EPS15: variants seen among roughly 807,000 people sequenced by gnomAD.
EPS15 encodes the protein epidermal growth factor receptor pathway substrate 15.
Under a neutral mutation model 113.8 loss-of-function variants are expected in EPS15, and 72 were observed. The ratio of observed to expected loss-of-function variants is 0.63; its 90% CI spans 0.52 to 0.77. The LOEUF (loss-of-function observed/expected upper bound fraction) is 0.77. EPS15 is among the 30% of genes least tolerant of loss of function. The pLI is 0.00. For missense variants in EPS15, 1,048 were observed against 1,045.8 expected (o/e 1.00, Z -0.03); for synonymous variants, 344 against 363.4 (o/e 0.95, Z 0.61).
intron 2 of EPS15, among the ~76,000 whole-genome samples, chr1:51,479,446 C>T (rs1303713715): frequency 6.6e-6 from 1 of 152,164 alleles, no homozygotes; most frequent in Admixed American, 6.5e-5. Flanking sequence ...TCGTCTGAAG[C>T]CTAGTTCTGT....
intron 21 of EPS15, among the ~76,000 whole-genome samples, chr1:51,371,538 A>G (rs564726745): frequency 7.9e-5 from 12 of 152,254 alleles, no homozygotes; most frequent in African/African-American, 2.9e-4. Flanking sequence ...AAAAAATTTA[A>G]AAGTAGGCAA....
intron 21 of EPS15, among the ~76,000 whole-genome samples, chr1:51,367,919 G>T (rs1274725665): frequency 6.6e-6 from 1 of 152,194 alleles, no homozygotes; most frequent in East Asian, 1.9e-4. Flanking sequence ...ATCACCTGAG[G>T]TCAGGAGTTT....
At position 51,364,147 on chromosome 1, in the gene EPS15, C is replaced by A. The variant is rs377444111; in HGVS notation, c.2197-119G>T. ...TTTATTTATTTTAATTCTGAGAACA[C>A]TGAAATTTTAACCTTTGCATTCAGG... On this transcript the variant is annotated intron_variant, in intron 22 of 24. Transcript: ENST00000371733. The A allele has an allele frequency of 1.6e-4, 130 of 807,504 alleles. 1 individual carries two copies. The African/African-American group carries it at 2.1e-3, about 13-fold the overall frequency. 50.0% of individuals were successfully genotyped at this position (807,504 alleles called of 1,614,324 possible).
chr1:51,486,802 C>T (rs1644131853), intron 1 of EPS15, among the ~76,000 whole-genome samples: 1 of 151,902 alleles, frequency 6.6e-6, no homozygotes, highest in Admixed American at 6.6e-5. Flanking sequence ...CCTCAGCCTC[C>T]CGCCACCACA....
At chr1:51,500,121 A>T (rs1283582647) in intron 1 of EPS15, among the ~76,000 whole-genome samples, 1 of 152,202 alleles carries the variant, frequency 6.6e-6, no homozygotes. Flanking sequence ...ATATATCAGA[A>T]TTTCATCCCT....
intron 1 of EPS15, among the ~76,000 whole-genome samples, chr1:51,487,448 C>A (rs1252330915): frequency 6.6e-6 from 1 of 151,864 alleles, no homozygotes; most frequent in Non-Finnish European, 1.5e-5. Context: ...GTAAATATTC[C>A]AAAAATATAT....
chr1:51,421,801 C>A lies in EPS15; in HGVS notation c.1098G>T (p.Arg366Ser). 1 of 1,593,246 alleles carries A rather than the reference C, an allele frequency of 6.3e-7. No individual in the cohort carries two copies. The highest frequency in any genetic ancestry group is 8.6e-7 in the Non-Finnish European group (1 of 1,168,004). ...LKEKEDTIKQ[R>S]TSEVQDLQDE... is the part of the protein sequence containing the mutation. ...GGTCACTTACCTGAACCTCACTTGT[C>A]CTCTGTTTAATAGTATCTTCCTTCT... Residue 366 changes from arginine to serine, a missense_variant, in exon 13 of 25, where the codon AGG becomes AGT. Arg to Ser is a moderately radical substitution (Grantham distance 110). Coordinates refer to ENST00000371733, the MANE Select transcript of EPS15 (RefSeq NM_001981.3).
chr1:51,380,987 G>A (rs1646927502), intron 21 of EPS15, among the ~76,000 whole-genome samples: 1 of 152,178 alleles, frequency 6.6e-6, no homozygotes, highest in Non-Finnish European at 1.5e-5. Context: ...CCAATATGAT[G>A]TAACATTTAT....
intron 12 of EPS15, among the ~76,000 whole-genome samples, chr1:51,436,954 T>C (rs779967236): frequency 2.0e-5 from 3 of 152,132 alleles, no homozygotes; most frequent in Non-Finnish European, 4.4e-5. Context: ...AAGTAAGAGA[T>C]TCAGATATTC....
At chr1:51,489,284 A>T (rs975529968) in intron 1 of EPS15, among the ~76,000 whole-genome samples, 1 of 140,544 alleles carries the variant, frequency 7.1e-6, no homozygotes, top group Admixed American at 7.4e-5. Flanking sequence ...AGCCTAGTAT[A>T]CCATATATAT....
intron 12 of EPS15, among the ~76,000 whole-genome samples, chr1:51,435,236 GGAGTGATCTCGGCTGT>G (rs928615015): frequency 1.3e-5 from 2 of 151,676 alleles, no homozygotes; most frequent in South Asian, 2.1e-4. Flanking sequence ...TGCCTAAGCT[GGAGTGATCTCGGCTGT>G]GAGTGATCTC....
intron 1 of EPS15, among the ~76,000 whole-genome samples, chr1:51,489,855 C>A (rs1397465230): frequency 6.6e-6 from 1 of 152,114 alleles, no homozygotes; most frequent in Non-Finnish European, 1.5e-5. Context: ...CAATATGTCA[C>A]AAATAGGGAC....
intron 21 of EPS15, chr1:51,372,236 C>T: frequency 2.1e-6 from 1 of 474,126 alleles, no homozygotes. Context: ...TTGCAGGGAG[C>T]TAGGCCTAGT....
At chr1:51,396,327 G>A (rs1476630689) in intron 20 of EPS15, among the ~76,000 whole-genome samples, 1 of 152,060 alleles carries the variant, frequency 6.6e-6, no homozygotes, top group African/African-American at 2.4e-5. Flanking sequence ...GAAATGCTTG[G>A]GACAAAAAGT....
intron 21 of EPS15, among the ~76,000 whole-genome samples, chr1:51,370,818 G>A (rs142039594): frequency 7.9e-5 from 12 of 151,948 alleles, no homozygotes; most frequent in African/African-American, 2.2e-4. Context: ...ATAGGGTTTC[G>A]CTGTTGGCCA....
rs761317120 is a variant in EPS15, at chr1:51,402,482, A to G, written c.1835T>C (p.Val612Ala). Residue 612 changes from valine to alanine, a missense_variant, in exon 18 of 25, where the codon GTT (valine) becomes GCT (alanine). Val to Ala is a moderately conservative substitution (Grantham distance 64). Coordinates refer to ENST00000371733, the MANE Select transcript of EPS15 (RefSeq NM_001981.3). ...NVDSSSLTGP[V>A]ADTNLDFFQS... ...GAAAAAATCCAAGTTTGTATCTGCA[A>G]CTGGACCTGTCAGCGAACTTGAGTC... 1.9e-6 allele frequency: 3 copies of G among 1,591,376 alleles called. No individual in the cohort carries two copies. Among genetic ancestry groups the G allele is most frequent in the Admixed American group, 3.4e-5 (2 of 58,980 alleles).
At chr1:51,442,869 G>A (rs1652703967) in intron 11 of EPS15, among the ~76,000 whole-genome samples, 1 of 152,086 alleles carries the variant, frequency 6.6e-6, no homozygotes, top group Non-Finnish European at 1.5e-5. Context: ...GCGAAAAGCA[G>A]AGTGCTGCAG....
Position 51,355,806 on chromosome 1 carries a change from A to C in EPS15, c.*894T>G, listed in dbSNP as rs1333177716. On this transcript the variant is annotated 3_prime_UTR_variant, in exon 25 of 25. Transcript: ENST00000371733. Reference sequence around the variant, plus strand: ...TCTGCAAAAGTACAAAAATTAACCCACTAAGAACTAAACAGGACAGGGCCA... The same window carrying C: ...TCTGCAAAAGTACAAAAATTAACCCCCTAAGAACTAAACAGGACAGGGCCA... 3.0e-5 allele frequency: 6 copies of C among 197,526 alleles called. No individual in the cohort carries two copies. 12.2% of individuals were successfully genotyped at this position (197,526 alleles called of 1,614,324 possible).
chr1:51,445,897 T>C (rs1266060753), intron 10 of EPS15, among the ~76,000 whole-genome samples: 1 of 152,214 alleles, frequency 6.6e-6, no homozygotes, highest in African/African-American at 2.4e-5. Context: ...AGACAGGATA[T>C]ATAAAAAGCT....
Sources: allele counts gnomAD v4.1 joint callset (sites outside exome capture counted in the v4.1 genomes callset), GRCh38; gene constraint gnomAD v4.1.1; transcripts MANE v1.5; gene names NCBI Gene and HGNC (gene_info 2026-07-23, HGNC 2026-07-21).